Variants in DENND5A observed in about 807,000 individuals in gnomAD.
DENND5A encodes the protein DENN domain containing 5A, also known as DENN domain-containing protein 5A.
DENND5A carries 64 observed loss-of-function variants against 140.3 expected under a neutral mutation model. That is an observed-to-expected ratio of 0.46 (90% CI 0.37 to 0.56). DENND5A has a LOEUF of 0.56. Ranked by LOEUF, DENND5A falls within the 20% of genes least tolerant of loss-of-function variation. The probability of loss-of-function intolerance (pLI) is 0.00; values close to 1 mark genes in which losing one functional copy is unlikely to be tolerated. For synonymous variants in DENND5A, 605 were observed against 607.7 expected (o/e 1.00, Z 0.07); for missense variants, 1,292 against 1,593.8 (o/e 0.81, Z 3.22).
At chr11:9,263,918 A>G (rs1437672280) in intron 1 of DENND5A, among the ~76,000 whole-genome samples, 1 of 151,764 alleles carries the variant, frequency 6.6e-6, no homozygotes, top group Non-Finnish European at 1.5e-5. Flanking sequence ...CTGTCTTGTC[A>G]TCGTTGAAGC....
chr11:9,230,795 C>G (rs548923124), intron 1 of DENND5A, among the ~76,000 whole-genome samples: 41 of 152,180 alleles, frequency 2.7e-4, no homozygotes, highest in Non-Finnish European at 3.7e-4. Context: ...GAGTTCAAGA[C>G]TAGCCCAGAC....
At chr11:9,205,931 T>C (rs886118157) in intron 3 of DENND5A, among the ~76,000 whole-genome samples, 8 of 152,078 alleles carry the variant, frequency 5.3e-5, no homozygotes, top group African/African-American at 1.9e-4. Context: ...AGTACAAAGA[T>C]AAGGTTAAGA....
chr11:9,179,141 C>T, intron 6 of DENND5A, 68 bp from the exon 7 acceptor site: 1 of 1,420,752 alleles, frequency 7.0e-7, no homozygotes, highest in Non-Finnish European at 9.7e-7. Context: ...AATGCAATTC[C>T]TGATTTTTTT....
At chr11:9,177,509 G>T (rs1848585041) in intron 8 of DENND5A, among the ~76,000 whole-genome samples, 1 of 151,692 alleles carries the variant, frequency 6.6e-6, no homozygotes, top group South Asian at 2.1e-4. Flanking sequence ...TTTTTAATTA[G>T]CCAGGCATGG....
At chr11:9,165,112 G>A (rs1049228376) in intron 11 of DENND5A, among the ~76,000 whole-genome samples, 1 of 152,002 alleles carries the variant, frequency 6.6e-6, no homozygotes, top group Admixed American at 6.6e-5. Flanking sequence ...AGATTCTCCT[G>A]CCTCAGTCTC....
chr11:9,205,135 A>C (rs1849653030), intron 3 of DENND5A, among the ~76,000 whole-genome samples: 1 of 152,230 alleles, frequency 6.6e-6, no homozygotes, highest in African/African-American at 2.4e-5. Context: ...AAATTCTGTC[A>C]TTAGTAAAAC....
chr11:9,221,466 C>G (rs978779213), intron 1 of DENND5A, among the ~76,000 whole-genome samples: 5 of 152,122 alleles, frequency 3.3e-5, no homozygotes, highest in African/African-American at 9.6e-5. Context: ...AAAAAAAACA[C>G]TGAATAGGTC....
intron 5 of DENND5A, among the ~76,000 whole-genome samples, chr11:9,185,431 T>C (rs952292706): frequency 2.6e-5 from 4 of 152,238 alleles, no homozygotes; most frequent in African/African-American, 9.6e-5. Context: ...CATTATTAAA[T>C]AGCTCTTCCT....
In DENND5A at chr11:9,189,806, A is replaced by G. The variant is rs576549155; in HGVS notation, c.1137+3688T>C. ...CAGGCTTGTGCCACCATGCCCAGCC[A>G]ATTTTGTGTTTTAAGTAGAGATGGC... On this transcript the variant is annotated intron_variant, in intron 5 of 22. Transcript: ENST00000328194. Among the ~76,000 whole-genome samples, 21 of 152,090 alleles carry G rather than the reference A, an allele frequency of 1.4e-4. 1 individual carries two copies. The South Asian group carries it at 4.4e-3, about 32-fold the overall frequency.
chr11:9,200,211 T>C (rs1050087682), intron 4 of DENND5A, among the ~76,000 whole-genome samples: 3 of 152,238 alleles, frequency 2.0e-5, no homozygotes, highest in Non-Finnish European at 4.4e-5. Context: ...CCTAAAAGCC[T>C]ACTGTATCTT....
chr11:9,198,703 T>C (rs569083468), intron 4 of DENND5A, among the ~76,000 whole-genome samples: 26 of 152,266 alleles, frequency 1.7e-4, no homozygotes, highest in Non-Finnish European at 3.1e-4. Flanking sequence ...ATATCTGATT[T>C]GTGAAGTCAT....
At position 9,186,279 on chromosome 11, in the gene DENND5A, C is replaced by T. The variant is rs1326103645; in HGVS notation, c.1138-5195G>A. 5.3e-5 allele frequency among the ~76,000 whole-genome samples: 8 copies of T among 152,210 alleles called. No homozygotes were observed. In the East Asian group the frequency reaches 1.5e-3, roughly 29 times the overall value. ...GTTTAACTTAACACCTAAAAACACG[C>T]TACATTTTGCTTATTCCTTTAAGAT... On this transcript the variant is annotated intron_variant, in intron 5 of 22. Coordinates refer to ENST00000328194, the MANE Select transcript of DENND5A (RefSeq NM_015213.4).
chr11:9,143,808 C>T (rs1191809379), intron 19 of DENND5A, among the ~76,000 whole-genome samples: 1 of 152,186 alleles, frequency 6.6e-6, no homozygotes, highest in Non-Finnish European at 1.5e-5. Flanking sequence ...CAGGGGGAGT[C>T]CAGAAAGTAG....
intron 22 of DENND5A, among the ~76,000 whole-genome samples, chr11:9,141,385 T>C (rs1454205069): frequency 6.6e-6 from 1 of 152,196 alleles, no homozygotes; most frequent in Non-Finnish European, 1.5e-5. Flanking sequence ...ATGACAGGGA[T>C]ACAGTCTGAG....
At chr11:9,219,613 C>A (rs1850230709) in intron 1 of DENND5A, among the ~76,000 whole-genome samples, 1 of 152,044 alleles carries the variant, frequency 6.6e-6, no homozygotes, top group Non-Finnish European at 1.5e-5. Flanking sequence ...GGAGCCATCA[C>A]GAGAAAGTGA....
chr11:9,161,090 GTAATCCC>G, intron 11 of DENND5A, among the ~76,000 whole-genome samples: 1 of 152,336 alleles, frequency 6.6e-6, no homozygotes, highest in South Asian at 2.1e-4. Flanking sequence ...GCTCACACCT[GTAATCCC>G]AGCACTCTGG....
chr11:9,144,788 C>CAA (rs112911509), intron 18 of DENND5A, among the ~76,000 whole-genome samples: 3 of 116,346 alleles, frequency 2.6e-5, no homozygotes, highest in Non-Finnish European at 3.7e-5. Context: ...GACTCCGTCT[C>CAA]AAAAAAAAAA....
intron 1 of DENND5A, among the ~76,000 whole-genome samples, chr11:9,213,001 A>ATT (rs71062814): frequency 0.37 from 47,105 of 126,120 alleles, 10,037 homozygotes; most frequent in African/African-American, 0.53. Context: ...CCTGGTTCTG[A>ATT]TTTTTTTTTT....
intron 1 of DENND5A, among the ~76,000 whole-genome samples, chr11:9,232,494 T>C (rs1250163017): frequency 2.0e-5 from 3 of 152,142 alleles, no homozygotes; most frequent in African/African-American, 7.2e-5. Flanking sequence ...ACTTCATTAG[T>C]CATCCAGAAA....
Sources: gnomAD v4.1 joint callset for allele counts (sites outside exome capture counted in the v4.1 genomes callset) on GRCh38, gnomAD v4.1.1 for gene constraint, MANE v1.5 for transcripts, NCBI Gene and HGNC (gene_info 2026-07-23, HGNC 2026-07-21) for gene names.